TBC1D22A: variants seen among roughly 807,000 people sequenced by gnomAD.
TBC1D22A encodes the protein TBC1 domain family member 22A.
In TBC1D22A, 38 loss-of-function variants were observed where a neutral mutation model predicts 60.2. The ratio of observed to expected loss-of-function variants is 0.63; its 90% confidence interval spans 0.49 to 0.83. TBC1D22A has a LOEUF of 0.83. Ranked by LOEUF, TBC1D22A falls within the 40% of genes least tolerant of loss-of-function variation. TBC1D22A has a pLI of 0.00. For synonymous variants in TBC1D22A, 302 were observed against 281.7 expected (o/e 1.07, Z -0.72); for missense variants, 628 against 701.0 (o/e 0.90, Z 1.18).
chr22:47,152,742 G>A (rs1461037945), intron 12 of TBC1D22A, among the ~76,000 whole-genome samples: 2 of 152,178 alleles, frequency 1.3e-5, no homozygotes, highest in African/African-American at 4.8e-5. Context: ...CCATTTTACA[G>A]GCCCGGGCAC....
At chr22:47,109,699 C>A (rs1304123527) in intron 11 of TBC1D22A, among the ~76,000 whole-genome samples, 1 of 152,200 alleles carries the variant, frequency 6.6e-6, no homozygotes, top group African/African-American at 2.4e-5. Flanking sequence ...GGCAACTTCG[C>A]CCTTCCAGTT....
chr22:47,117,357 G>C (rs867217424), intron 12 of TBC1D22A: 7 of 124,674 alleles, frequency 5.6e-5, no homozygotes, highest in Middle Eastern at 8.5e-3. Flanking sequence ...CGAGCAGGGA[G>C]AGTCACCCCA....
chr22:46,931,998 C>G (rs1206533352), intron 8 of TBC1D22A, among the ~76,000 whole-genome samples: 4 of 152,214 alleles, frequency 2.6e-5, no homozygotes, highest in Non-Finnish European at 5.9e-5. Context: ...AAATAAATTT[C>G]TGCTCACAGA....
At chr22:47,057,880 G>A (rs919959994) in intron 11 of TBC1D22A, among the ~76,000 whole-genome samples, 2 of 152,208 alleles carry the variant, frequency 1.3e-5, no homozygotes, top group Non-Finnish European at 2.9e-5. Context: ...CCCCATGGGG[G>A]TTTATAAGGT....
Position 46,793,617 on chromosome 22 carries a change from A to G in TBC1D22A, c.236A>G (p.Asp79Gly), listed in dbSNP as rs756616638. The part of the protein sequence containing the change: ...SDAWDAGEDD[D>G]ELLAMAAESL... ...GCCTGGGACGCTGGGGAGGACGACG[A>G]TGAGCTCCTGGCCATGGCGGCGGAG... Residue 79 changes from aspartate (D) to glycine (G), a missense_variant, in exon 3 of 13, where the codon GAT becomes GGT. Asp to Gly is a moderately conservative substitution (Grantham distance 94, BLOSUM62 -1). Transcript: ENST00000337137. 6 of 1,613,784 alleles carry G rather than the reference A, an allele frequency of 3.7e-6. No homozygotes were observed. Among genetic ancestry groups the G allele is most frequent in the African/African-American group, 2.7e-5 (2 of 74,938 alleles).
intron 11 of TBC1D22A, among the ~76,000 whole-genome samples, chr22:47,067,760 G>A (rs772226386): frequency 7.2e-5 from 11 of 152,204 alleles, no homozygotes; most frequent in South Asian, 2.1e-4. Context: ...ACGAGTGTGC[G>A]TGCACACACA....
chr22:46,848,094 T>G (rs1368551724), intron 4 of TBC1D22A, among the ~76,000 whole-genome samples: 2 of 152,246 alleles, frequency 1.3e-5, no homozygotes, highest in Non-Finnish European at 2.9e-5. Flanking sequence ...GGGAGAGTGA[T>G]CTAAGTTAGT....
intron 7 of TBC1D22A, among the ~76,000 whole-genome samples, chr22:46,904,142 T>TCTATCTATCTGCATACCTAC (rs57116517): frequency 7.4e-6 from 1 of 134,500 alleles, no homozygotes; most frequent in South Asian, 2.4e-4. Flanking sequence ...TATCTATCTA[T>TCTATCTATCTGCATACCTAC]CTACCTACCT....
intron 11 of TBC1D22A, among the ~76,000 whole-genome samples, chr22:47,037,757 G>A (rs776117496): frequency 2.0e-4 from 31 of 152,226 alleles, no homozygotes; most frequent in Admixed American, 3.9e-4. Flanking sequence ...CCTGCGTGGT[G>A]ACAGCAGCCT....
chr22:46,883,276 G>A (rs781169910), intron 5 of TBC1D22A, among the ~76,000 whole-genome samples: 1 of 152,146 alleles, frequency 6.6e-6, no homozygotes, highest in Non-Finnish European at 1.5e-5. Context: ...TTGTGTCACC[G>A]GGACAATTTA....
chr22:46,882,629 C>T (rs1474042824), intron 5 of TBC1D22A, among the ~76,000 whole-genome samples: 5 of 152,172 alleles, frequency 3.3e-5, no homozygotes, highest in African/African-American at 1.2e-4. Flanking sequence ...CGCTGAGAGC[C>T]ATGAGCGTGT....
At chr22:46,909,080 G>A (rs890300486) in intron 7 of TBC1D22A, among the ~76,000 whole-genome samples, 1 of 152,146 alleles carries the variant, frequency 6.6e-6, no homozygotes, top group Admixed American at 6.5e-5. Flanking sequence ...ATCCTCCCTG[G>A]GTGAAGTTGG....
At chr22:47,159,832 G>A (rs6008050) in intron 12 of TBC1D22A, among the ~76,000 whole-genome samples, 28,596 of 150,802 alleles carry the variant, frequency 0.19, 3,318 homozygotes, top group African/African-American at 0.34. Context: ...CCCCACACAC[G>A]CACCACACTC....
chr22:47,024,867 AAG>A (rs1409769582), intron 10 of TBC1D22A, among the ~76,000 whole-genome samples: 1 of 152,218 alleles, frequency 6.6e-6, no homozygotes, highest in Non-Finnish European at 1.5e-5. Context: ...AAAGAAAAAA[AAG>A]AGAAAAGCCC....
intron 1 of TBC1D22A, among the ~76,000 whole-genome samples, chr22:46,781,097 G>A (rs930918901): frequency 6.7e-6 from 1 of 150,314 alleles, no homozygotes; most frequent in Non-Finnish European, 1.5e-5. Flanking sequence ...TTCTTATGCC[G>A]TGACCCCTCT....
At chr22:46,965,423 C>G (rs984932173) in intron 8 of TBC1D22A, among the ~76,000 whole-genome samples, 8 of 152,222 alleles carry the variant, frequency 5.3e-5, no homozygotes, top group Non-Finnish European at 8.8e-5. Context: ...CGACGGCCCC[C>G]GTCTCGGTAC....
chr22:47,038,221 A>T (rs953415607), intron 11 of TBC1D22A, among the ~76,000 whole-genome samples: 11 of 152,236 alleles, frequency 7.2e-5, no homozygotes, highest in African/African-American at 2.7e-4. Flanking sequence ...GCTGGTTTTC[A>T]TCCCGGCACC....
intron 4 of TBC1D22A, among the ~76,000 whole-genome samples, chr22:46,824,514 C>A (rs2085965074): frequency 6.6e-6 from 1 of 152,176 alleles, no homozygotes; most frequent in Admixed American, 6.5e-5. Context: ...CTGCATCCTG[C>A]AGGCCCCTGA....
intron 11 of TBC1D22A, among the ~76,000 whole-genome samples, chr22:47,092,004 G>A (rs535890513): frequency 6.6e-6 from 1 of 152,270 alleles, no homozygotes; most frequent in Admixed American, 6.5e-5. Context: ...CATGATTGCC[G>A]TCTTACAGAT....
Sources: gnomAD v4.1 joint callset for allele counts (sites outside exome capture counted in the v4.1 genomes callset) on GRCh38, gnomAD v4.1.1 for gene constraint, MANE v1.5 for transcripts, NCBI Gene and HGNC (gene_info 2026-07-23, HGNC 2026-07-21) for gene names.